Variants in SYN2 observed in about 807,000 individuals in gnomAD.
SYN2 encodes the protein synapsin II.
SYN2 carries 19 observed loss-of-function variants against 50.9 expected under a neutral mutation model. The observed-to-expected ratio is 0.37, with a 90% CI of 0.26 to 0.55. SYN2 has a LOEUF of 0.55. Among genes scored for constraint, SYN2 ranks in the 20% least tolerant of loss-of-function variants. SYN2 has a pLI of 0.81. For synonymous variants in SYN2, 255 were observed against 224.9 expected (o/e 1.13, Z -1.20); for missense variants, 587 against 576.4 (o/e 1.02, Z -0.19).
intron 1 of SYN2, among the ~76,000 whole-genome samples, chr3:12,090,960 G>A (rs916697982): frequency 1.3e-5 from 2 of 152,106 alleles, no homozygotes; most frequent in African/African-American, 4.8e-5. Flanking sequence ...CCATAATATT[G>A]TGTTCCATAA....
intron 1 of SYN2, among the ~76,000 whole-genome samples, chr3:12,023,685 A>G (rs945213250): frequency 6.6e-6 from 1 of 152,188 alleles, no homozygotes; most frequent in Non-Finnish European, 1.5e-5. Flanking sequence ...AAAGTTGTGA[A>G]GGTTTTGATC....
intron 1 of SYN2, among the ~76,000 whole-genome samples, chr3:12,055,779 G>A (rs189473144): frequency 3.0e-4 from 45 of 152,202 alleles, no homozygotes; most frequent in African/African-American, 8.7e-4. Context: ...TTGGCTGTTG[G>A]CACATGGGAA....
chr3:12,035,455 G>A (rs1267103352), intron 1 of SYN2, among the ~76,000 whole-genome samples: 3 of 152,244 alleles, frequency 2.0e-5, no homozygotes, highest in Non-Finnish European at 4.4e-5. Context: ...TTTGCAGCGA[G>A]AGAAGGTGAG....
chr3:12,183,248 G>T, intron 10 of SYN2, 64 bp from the exon 11 acceptor site: 1 of 1,557,442 alleles, frequency 6.4e-7, no homozygotes, highest in Non-Finnish European at 8.7e-7. Context: ...GGAGCCACGT[G>T]GTTTCTCTTT....
intron 1 of SYN2, among the ~76,000 whole-genome samples, chr3:12,114,433 G>A (rs1269448909): frequency 6.6e-6 from 1 of 152,074 alleles, no homozygotes; most frequent in East Asian, 1.9e-4. Context: ...GATGCCCAGA[G>A]TTTTTACTCT....
In SYN2 at chr3:12,188,613, ATT is replaced by A. The variant is rs34862950; in HGVS notation, c.1613+1011_1613+1012del. The stretch of plus-strand genomic sequence containing the variant: ...TGAGAAAAACTTTGCTCAAAGAAAA[ATT>A]TTTTTTTTTCTCAAAGCCGAGCTAC... On this transcript the variant is annotated intron_variant, in intron 12 of 12. Coordinates refer to ENST00000621198, the MANE Select transcript of SYN2 (RefSeq NM_133625.6). Among the ~76,000 whole-genome samples the A allele has an allele frequency of 7.3e-5, 11 of 151,566 alleles. No individual in the cohort carries two copies. In the East Asian group the frequency reaches 1.9e-3, roughly 27 times the overall value.
chr3:12,083,184 G>A (rs1342658754), intron 1 of SYN2, among the ~76,000 whole-genome samples: 1 of 152,072 alleles, frequency 6.6e-6, no homozygotes, highest in Non-Finnish European at 1.5e-5. Flanking sequence ...GCTAATTTTT[G>A]TATTTTTCGT....
intron 5 of SYN2, chr3:12,157,345 C>T: frequency 6.3e-7 from 1 of 1,592,852 alleles, no homozygotes; most frequent in Non-Finnish European, 8.6e-7. Context: ...CTTTCTCCAT[C>T]AGCCTTAGGG....
At chr3:12,113,078 G>T (rs561329094) in intron 1 of SYN2, among the ~76,000 whole-genome samples, 1 of 152,134 alleles carries the variant, frequency 6.6e-6, no homozygotes, top group African/African-American at 2.4e-5. Context: ...TCTAGGCCCC[G>T]TGGTGGTCTT....
intron 1 of SYN2, among the ~76,000 whole-genome samples, chr3:12,110,610 A>C (rs1696289653): frequency 6.6e-6 from 1 of 152,186 alleles, no homozygotes; most frequent in Non-Finnish European, 1.5e-5. Context: ...ACATCCTCCG[A>C]AATCTAGGCA....
intron 1 of SYN2, among the ~76,000 whole-genome samples, chr3:12,044,148 T>C (rs1013235441): frequency 2.8e-5 from 4 of 141,370 alleles, no homozygotes; most frequent in African/African-American, 1.1e-4. Flanking sequence ...TGTCAACCTT[T>C]AGAAGGCAAA....
At chr3:12,067,710 A>C (rs1001146251) in intron 1 of SYN2, among the ~76,000 whole-genome samples, 1 of 152,008 alleles carries the variant, frequency 6.6e-6, no homozygotes, top group Non-Finnish European at 1.5e-5. Flanking sequence ...CTCAAATTCT[A>C]TCTCTCTGTC....
At chr3:12,073,209 C>A (rs941297406) in intron 1 of SYN2, among the ~76,000 whole-genome samples, 3 of 152,132 alleles carry the variant, frequency 2.0e-5, no homozygotes, top group Non-Finnish European at 2.9e-5. Flanking sequence ...TGTCTAGTGG[C>A]CCCTAGGGCA....
chr3:12,104,012 A>G (rs1427210705), intron 1 of SYN2, among the ~76,000 whole-genome samples: 1 of 152,238 alleles, frequency 6.6e-6, no homozygotes, highest in Non-Finnish European at 1.5e-5. Context: ...TCTAAACAAG[A>G]TATATCAGGC....
At chr3:12,014,852 A>C (rs535538815) in intron 1 of SYN2, among the ~76,000 whole-genome samples, 1 of 152,210 alleles carries the variant, frequency 6.6e-6, no homozygotes, top group East Asian at 1.9e-4. Context: ...CCCCATTCTA[A>C]GGGCTCTTCA....
chr3:12,169,076 A>C (rs1030448413), intron 9 of SYN2, among the ~76,000 whole-genome samples: 1 of 152,180 alleles, frequency 6.6e-6, no homozygotes, highest in Non-Finnish European at 1.5e-5. Context: ...GTAGGCTTCA[A>C]ATTCAGAATC....
At chr3:12,022,925 A>G (rs1413485745) in intron 1 of SYN2, among the ~76,000 whole-genome samples, 4 of 82,042 alleles carry the variant, frequency 4.9e-5, no homozygotes, top group Non-Finnish European at 1.4e-4. Context: ...CTGCAATATG[A>G]GAGCAACACC....
rs960979641 is a variant in SYN2, at chr3:12,070,720, A to T, written c.377+65792A>T. 11 of 937,466 alleles carry T rather than the reference A, an allele frequency of 1.2e-5. No homozygotes were observed. The African/African-American group carries it at 1.8e-4, about 16-fold the overall frequency. The allele number at this position is 937,466 out of a possible 1,614,324, so 58.1% of individuals were successfully genotyped here. On this transcript the variant is annotated intron_variant, in intron 1 of 12. Coordinates refer to ENST00000621198, the MANE Select transcript of SYN2 (RefSeq NM_133625.6). ...GGACCCTGGAGATGGGGTCACTCAT[A>T]CAGTGCCCATCTACGAGGCCTAAGC...
At chr3:12,130,279 C>T (rs116125631) in intron 1 of SYN2, among the ~76,000 whole-genome samples, 3,286 of 151,854 alleles carry the variant, frequency 0.022, 139 homozygotes, top group African/African-American at 0.075. Context: ...AAAGAATTGG[C>T]TTTCACAGTT....
Sources: allele counts gnomAD v4.1 joint callset (sites outside exome capture counted in the v4.1 genomes callset), GRCh38; gene constraint gnomAD v4.1.1; transcripts MANE v1.5; gene names NCBI Gene and HGNC (gene_info 2026-07-23, HGNC 2026-07-21).